The following CRAT variants were observed in gnomAD, a reference collection of about 807,000 sequenced individuals.
CRAT encodes carnitine O-acetyltransferase.
Under a neutral mutation model 73.7 loss-of-function variants are expected in CRAT, and 66 were observed. The ratio of observed to expected loss-of-function variants is 0.90; its 90% CI spans 0.73 to 1.10. The LOEUF is 1.10. CRAT is among the 50% of genes least tolerant of loss of function. CRAT has a pLI of 0.00. For synonymous variants in CRAT, 321 were observed against 343.2 expected, an observed-to-expected ratio of 0.94 and a Z score of 0.71; for missense variants, 745 against 846.9, an observed-to-expected ratio of 0.88 and a Z score of 1.49.
Position 129,095,185 on chromosome 9 carries a change from G to C in CRAT, c.*212C>G, listed in dbSNP as rs1175555146. On this transcript the variant is annotated 3_prime_UTR_variant, in exon 14 of 14. Coordinates refer to ENST00000318080, the MANE Select transcript of CRAT (RefSeq NM_000755.5). ...TGCTCAGCCTCTGCACTCAGCCCCA[G>C]GTCGGGCCCTGGCAGGTGCTGGGAT... 3.3e-6 allele frequency: 2 copies of C among 608,402 alleles called. No homozygotes were observed. The highest frequency in any genetic ancestry group is 5.8e-6 in the Non-Finnish European group (2 of 346,738). 37.7% of individuals were successfully genotyped at this position (608,402 alleles called of 1,614,324 possible).
At chr9:129,098,429 C>G in intron 9 of CRAT, 58 bp from the exon 10 acceptor site, 2 of 1,604,420 alleles carry the variant, frequency 1.2e-6, no homozygotes, top group South Asian at 2.2e-5. Flanking sequence ...GCCAACCCCA[C>G]GGAGGGTCTG....
intron 12 of CRAT, 78 bp from the exon 13 acceptor site, chr9:129,096,213 C>T (rs1373760557): frequency 8.3e-6 from 13 of 1,563,680 alleles, no homozygotes; most frequent in East Asian, 6.7e-5. Flanking sequence ...CCTGTGGCAG[C>T]GCCACCCTTC....
intron 7 of CRAT, 171 bp downstream of exon 7, chr9:129,100,340 G>A: frequency 1.3e-6 from 1 of 789,212 alleles, no homozygotes; most frequent in Non-Finnish European, 2.0e-6. Flanking sequence ...CAGGACTGGT[G>A]ATGACAGGCT....
At position 129,102,021 on chromosome 9, in the gene CRAT, G is replaced by T; in HGVS notation, c.667C>A (p.Pro223Thr). ...ELDVYHSDGT[P>T]LTADQIFVQL... ...ACAAAGATCTGATCCGCAGTGAGGG[G>T]TGTCCCGTCACTGTGGTACACATCC... Residue 223 changes from proline (P) to threonine (T), a missense_variant, in exon 6 of 14, where the codon CCC becomes ACC. Pro to Thr is a conservative substitution (Grantham distance 38, BLOSUM62 -1). Transcript: ENST00000318080. 1.2e-6 allele frequency: 2 copies of T among 1,614,162 alleles called. No homozygotes were observed. The highest frequency in any genetic ancestry group is 1.7e-6 in the Non-Finnish European group (2 of 1,180,010).
At position 129,103,106 on chromosome 9, in the gene CRAT, C is replaced by T. The variant is rs1367753733; in HGVS notation, c.411-40G>A. 1 of 1,585,188 alleles carries T rather than the reference C, an allele frequency of 6.3e-7. No individual in the cohort carries two copies. The highest frequency in any genetic ancestry group is 1.7e-5 in the Admixed American group (1 of 59,996). On this transcript the variant is annotated intron_variant, in intron 3 of 13. Transcript: ENST00000318080. The surrounding 1 kb of genome is among the most constrained non-coding windows in gnomAD (Gnocchi z 4.6). ...TAGAGATTAGAAGCTGCGTGGACAC[C>T]CTGAGGGAGGCCCCGGGCTAGGGAC...
Position 129,099,915 on chromosome 9 carries a change from C to T in CRAT, c.1036G>A (p.Ala346Thr), listed in dbSNP as rs200277103. The T allele has an allele frequency of 6.1e-4, 991 of 1,613,752 alleles. 13 individuals carry two copies. The South Asian group carries it at 0.01, about 17-fold the overall frequency. Residue 346 changes from alanine to threonine, a missense_variant, in exon 8 of 14, where the codon GCG becomes ACG. Physicochemically the swap from Ala to Thr is moderately conservative, Grantham distance 58 (BLOSUM62 0). Transcript: ENST00000318080. ...AGGGTGACAATAGGGGGCCCCTCCG[C>T]TGCAGCATGCTCGTACACAAGCCCA... ...SCGLVYEHAAAEGPPIVTLLD... is the reference protein window; with the variant it reads ...SCGLVYEHAATEGPPIVTLLD...
intron 7 of CRAT, 60 bp from the exon 8 acceptor site, chr9:129,100,026 C>T (rs878894243): frequency 7.1e-7 from 1 of 1,412,450 alleles, no homozygotes; most frequent in Admixed American, 1.7e-5. Context: ...GCCCCTCACC[C>T]AACCACTCTT....
intron 2 of CRAT, 58 bp from the exon 3 acceptor site, chr9:129,104,364 C>T (rs917790560): frequency 2.8e-6 from 4 of 1,407,204 alleles, no homozygotes; most frequent in Non-Finnish European, 3.0e-6. Context: ...GCCCCCTGTT[C>T]CCCAGGGCTA....
Position 129,106,115 on chromosome 9 carries a change from A to G in CRAT, c.291+1699T>C, listed in dbSNP as rs1262673140. ...CACTCCCCTGCAGCACTGGGCCACT[A>G]GCCTTTGGCAAGGGGTGAGGGGGAG... On this transcript the variant is annotated intron_variant, in intron 2 of 13. Transcript: ENST00000318080. This position sits in a 1 kb window ranked among gnomAD's most constrained non-coding sequence, Gnocchi z 4.0. Among the ~76,000 whole-genome samples the G allele has an allele frequency of 6.6e-6, 1 of 152,118 alleles. No individual in the cohort carries two copies. Among genetic ancestry groups the G allele is most frequent in the Non-Finnish European group, 1.5e-5 (1 of 68,014 alleles).
rs1848187614 is a variant in CRAT, at chr9:129,108,909, AAG to A, written c.28-834_28-833del. 3.9e-6 allele frequency: 5 copies of A among 1,281,802 alleles called. No homozygotes were observed. The South Asian group carries it at 5.1e-5, about 13-fold the overall frequency. 79.4% of individuals were successfully genotyped at this position (1,281,802 alleles called of 1,614,324 possible). ...GAGGCAGCCACTTGCCTGGGCTGGA[AAG>A]AGAAGACAAGAGCCAAGATTCAGCG... On this transcript the variant is annotated intron_variant, in intron 1 of 13. Coordinates refer to ENST00000318080, the MANE Select transcript of CRAT (RefSeq NM_000755.5).
intron 1 of CRAT, chr9:129,109,382 G>GA: frequency 2.3e-6 from 2 of 874,336 alleles, no homozygotes; most frequent in Non-Finnish European, 3.3e-6. Flanking sequence ...AGGACTCCTG[G>GA]GACCCATCTG....
intron 13 of CRAT, 32 bp downstream of exon 13, chr9:129,095,966 C>T: frequency 1.2e-6 from 2 of 1,613,450 alleles, no homozygotes; most frequent in Non-Finnish European, 1.7e-6. Flanking sequence ...TCTCTGCCTC[C>T]AGCCCCCGGG....
intron 5 of CRAT, 93 bp from the exon 6 acceptor site, chr9:129,102,150 G>T: frequency 1.4e-6 from 2 of 1,409,578 alleles, no homozygotes; most frequent in Non-Finnish European, 1.9e-6. Context: ...TCCTGGCCTT[G>T]GCCTTGGAGG....
chr9:129,104,520 C>G (rs951790477), intron 2 of CRAT, among the ~76,000 whole-genome samples: 4 of 150,228 alleles, frequency 2.7e-5, no homozygotes, highest in Non-Finnish European at 5.9e-5. Context: ...TTAGCCAGAT[C>G]AATCCGATGC....
chr9:129,102,484 C>G lies in CRAT; in HGVS notation c.546G>C (p.Val182=). 1 of 1,614,144 alleles carries G rather than the reference C, an allele frequency of 6.2e-7. No homozygotes were observed. Among genetic ancestry groups the G allele is most frequent in the South Asian group, 1.1e-5 (1 of 91,086 alleles). Residue 182 remains valine, a synonymous_variant, in exon 5 of 14, where the codon GTG becomes GTC. Transcript: ENST00000318080. ...QYYQILSSCR[V]PGPKQDTVSN... ...TGACTGTGTCCTGCTTGGGGCCCGG[C>G]ACTCGGCAGGAGGACAAGATCTGAT...
At chr9:129,109,533 C>G (rs569847478) in intron 1 of CRAT, among the ~76,000 whole-genome samples, 77 of 152,316 alleles carry the variant, frequency 5.1e-4, no homozygotes, top group African/African-American at 1.8e-3. Flanking sequence ...GTCCAGGGGA[C>G]TCTGGGCAAG....
At chr9:129,099,671 A>G (rs1170918565) in intron 8 of CRAT, among the ~76,000 whole-genome samples, 195 bp downstream of exon 8, 1 of 151,706 alleles carries the variant, frequency 6.6e-6, no homozygotes, top group Non-Finnish European at 1.5e-5. Context: ...CCTGACCTCA[A>G]TTGATCCTCC....
rs75781939 is a variant in CRAT, at chr9:129,100,715, C to T, written c.806-26G>A. ...CTGCAGGTGGCATGGGGCGGGGAGA[C>T]GCAAAATGGGGTCTCATGGTGTGGG... is the stretch of plus-strand genomic sequence containing the variant. On this transcript the variant is annotated intron_variant, in intron 6 of 13. Coordinates refer to ENST00000318080, the MANE Select transcript of CRAT (RefSeq NM_000755.5). The T allele has an allele frequency of 8.2e-3, 13,173 of 1,602,246 alleles. 804 individuals are homozygous for T. The African/African-American group carries it at 0.14, about 17-fold the overall frequency.
chr9:129,102,984 TG>T, intron 4 of CRAT, 28 bp downstream of exon 4: 1 of 1,602,068 alleles, frequency 6.2e-7, no homozygotes, highest in Non-Finnish European at 8.6e-7. Flanking sequence ...TGGGCAGGTG[TG>T]GGGCTGGGCA....
Sources: gnomAD v4.1 joint callset for allele counts (sites outside exome capture counted in the v4.1 genomes callset) on GRCh38, gnomAD v4.1.1 for gene constraint, Gnocchi (gnomAD v3.1) non-coding constraint, MANE v1.5 for transcripts, NCBI Gene and HGNC (gene_info 2026-07-23, HGNC 2026-07-21) for gene names.